Variants in STXBP5L observed in about 807,000 individuals in gnomAD.
The protein encoded by STXBP5L is syntaxin-binding protein 5-like.
In STXBP5L, 65 loss-of-function variants were observed where a neutral mutation model predicts 144.5. That is an observed-to-expected ratio of 0.45 (90% confidence interval 0.37 to 0.55). The LOEUF is 0.55. Among genes scored for constraint, STXBP5L ranks in the 20% least tolerant of loss-of-function variants. The probability of loss-of-function intolerance (pLI) is 0.00; values close to 1 mark genes in which losing one functional copy is unlikely to be tolerated. For synonymous variants in STXBP5L, 505 were observed against 469.6 expected (o/e 1.08, Z -0.97); for missense variants, 1,298 against 1,405.5 (o/e 0.92, Z 1.22).
chr3:121,114,871 A>ATGC, intron 5 of STXBP5L, 54 bp from the exon 6 acceptor site: 1 of 1,279,388 alleles, frequency 7.8e-7, no homozygotes, highest in Non-Finnish European at 1.1e-6. Context: ...GGAAAATATA[A>ATGC]TGCTGACCAA....
At chr3:121,371,290 C>A (rs2108660565) in intron 20 of STXBP5L, among the ~76,000 whole-genome samples, 1 of 152,288 alleles carries the variant, frequency 6.6e-6, no homozygotes, top group Non-Finnish European at 1.5e-5. Flanking sequence ...CAAGGCTCAG[C>A]TTAGGACACC....
At chr3:121,299,557 AC>A (rs1310986061) in intron 19 of STXBP5L, among the ~76,000 whole-genome samples, 3 of 152,122 alleles carry the variant, frequency 2.0e-5, no homozygotes, top group African/African-American at 7.2e-5. Context: ...AATGATCCAA[AC>A]AGAAGCACAG....
At position 121,239,100 on chromosome 3, in the gene STXBP5L, A is replaced by C. The variant is rs771803301; in HGVS notation, c.1314A>C (p.Lys438Asn). The change falls in exon 13 of 27, where the codon AAA becomes AAC. Residue 438 changes from lysine (K) to asparagine (N), a missense_variant. Lys to Asn is a moderately conservative substitution (Grantham distance 94). Transcript: ENST00000471454. Reference sequence around the variant, plus strand: ...ATTCTATAGGAGTCAAGCATAAAAAACAAGGATACAGTAATAAGGTAAAAG... The same window carrying C: ...ATTCTATAGGAGTCAAGCATAAAAACCAAGGATACAGTAATAAGGTAAAAG... ...VLYSIGVKHKKQGYSNKEWPI... is the reference protein window; with the variant it reads ...VLYSIGVKHKNQGYSNKEWPI... The C allele has an allele frequency of 1.3e-6, 2 of 1,576,106 alleles. No individual in the cohort carries two copies. Among genetic ancestry groups the C allele is most frequent in the Non-Finnish European group, 1.7e-6 (2 of 1,160,388 alleles).
At chr3:120,943,219 A>G (rs556812247) in intron 2 of STXBP5L, among the ~76,000 whole-genome samples, 41 of 151,908 alleles carry the variant, frequency 2.7e-4, no homozygotes, top group African/African-American at 8.4e-4. Context: ...AAACAATCAG[A>G]ATTACAGATT....
At chr3:121,268,525 G>T (rs2050643876) in intron 18 of STXBP5L, among the ~76,000 whole-genome samples, 2 of 152,054 alleles carry the variant, frequency 1.3e-5, no homozygotes, top group Admixed American at 6.6e-5. Flanking sequence ...TGCACATTCT[G>T]TACATGTATC....
chr3:121,106,950 A>C (rs1380607058), intron 5 of STXBP5L, among the ~76,000 whole-genome samples: 1 of 152,178 alleles, frequency 6.6e-6, no homozygotes, highest in Non-Finnish European at 1.5e-5. Flanking sequence ...CTGAAGTGAG[A>C]TGGTATTACA....
intron 7 of STXBP5L, among the ~76,000 whole-genome samples, chr3:121,148,725 TCTATTA>T (rs1269793638): frequency 1.3e-5 from 2 of 152,106 alleles, no homozygotes; most frequent in Non-Finnish European, 2.9e-5. Context: ...CTTGGCAGTA[TCTATTA>T]AAGTTAAACA....
chr3:121,034,525 C>T (rs1946617810), intron 3 of STXBP5L, among the ~76,000 whole-genome samples: 1 of 149,668 alleles, frequency 6.7e-6, no homozygotes, highest in Non-Finnish European at 1.5e-5. Context: ...CCTATATCAT[C>T]TATCTATCTA....
intron 7 of STXBP5L, among the ~76,000 whole-genome samples, chr3:121,122,355 C>T (rs976386309): frequency 1.3e-5 from 2 of 150,988 alleles, no homozygotes; most frequent in African/African-American, 4.8e-5. Flanking sequence ...AAAATTGGAT[C>T]CCTTCAAATT....
At chr3:121,135,317 C>T (rs553441663) in intron 7 of STXBP5L, among the ~76,000 whole-genome samples, 1 of 152,234 alleles carries the variant, frequency 6.6e-6, no homozygotes, top group Admixed American at 6.5e-5. Flanking sequence ...AGCCCTTTGT[C>T]AGATGAGTAG....
chr3:121,273,167 G>A lies in STXBP5L; in HGVS notation c.1959-6638G>A, dbSNP rs1381291958. Among the ~76,000 whole-genome samples, 3 of 151,966 alleles carry A rather than the reference G, an allele frequency of 2.0e-5. No individual in the cohort carries two copies. In the South Asian group the frequency reaches 6.2e-4, roughly 32 times the overall value. ...ACCCTTCCATGTTAGCTTAATTTAA[G>A]ATCCCTTTAGCATTTCTTGTAAGAC... On this transcript the variant is annotated intron_variant, in intron 18 of 26. Transcript: ENST00000471454.
chr3:121,258,849 A>G (rs1383198559), intron 17 of STXBP5L, among the ~76,000 whole-genome samples, 194 bp from the exon 18 acceptor site: 2 of 152,176 alleles, frequency 1.3e-5, no homozygotes, highest in Non-Finnish European at 2.9e-5. Context: ...CTGAAAAGCC[A>G]CATAAAGAAA....
At chr3:121,156,596 T>G (rs1329422303) in intron 8 of STXBP5L, among the ~76,000 whole-genome samples, 1 of 151,970 alleles carries the variant, frequency 6.6e-6, no homozygotes, top group Non-Finnish European at 1.5e-5. Context: ...TACTTTATGC[T>G]GGTCACTATG....
intron 20 of STXBP5L, among the ~76,000 whole-genome samples, chr3:121,342,885 T>A (rs1352371454): frequency 6.7e-6 from 1 of 149,920 alleles, no homozygotes; most frequent in Non-Finnish European, 1.5e-5. Flanking sequence ...CTGGGTCAAA[T>A]GGTATTTCTA....
chr3:120,908,223 T>G lies in STXBP5L; in HGVS notation c.-120T>G, dbSNP rs1044776521. 3 of 152,234 alleles carry G rather than the reference T, an allele frequency of 2.0e-5. No individual in the cohort carries two copies. Among genetic ancestry groups the G allele is most frequent in the East Asian group, 2.0e-4 (1 of 5,112 alleles). The allele number at this position is 152,234 out of a possible 1,614,324, so 9.4% of individuals were successfully genotyped here. On this transcript the variant is annotated 5_prime_UTR_variant, in exon 1 of 27. Coordinates refer to ENST00000471454, the MANE Select transcript of STXBP5L (RefSeq NM_001308330.2). ...GGAGCCTGACTGCTCGGTTAGGACC[T>G]CGGAGAGCGCCAGGCGCCGCGACCA...
intron 3 of STXBP5L, among the ~76,000 whole-genome samples, chr3:120,969,075 T>C (rs1252034377): frequency 6.6e-6 from 1 of 152,152 alleles, no homozygotes; most frequent in East Asian, 1.9e-4. Flanking sequence ...GATTGCTAGA[T>C]CAAATGGTAA....
intron 5 of STXBP5L, among the ~76,000 whole-genome samples, chr3:121,098,814 G>A (rs1328268338): frequency 6.6e-6 from 1 of 152,176 alleles, no homozygotes; most frequent in African/African-American, 2.4e-5. Flanking sequence ...TAATTGGCAT[G>A]TCTGTAGGGA....
chr3:121,175,834 C>A (rs1221475612), intron 9 of STXBP5L, among the ~76,000 whole-genome samples: 1 of 147,842 alleles, frequency 6.8e-6, no homozygotes, highest in Non-Finnish European at 1.5e-5. Flanking sequence ...ACTTTAAATA[C>A]AAAACTATAG....
chr3:121,417,579 C>T (rs1393438902), intron 25 of STXBP5L, among the ~76,000 whole-genome samples: 6 of 152,148 alleles, frequency 3.9e-5, no homozygotes, highest in Non-Finnish European at 7.3e-5. Flanking sequence ...GATTCTCGTG[C>T]CTCAGCCTCC....
Sources: gnomAD v4.1 joint callset for allele counts (sites outside exome capture counted in the v4.1 genomes callset) on GRCh38, gnomAD v4.1.1 for gene constraint, MANE v1.5 for transcripts, NCBI Gene and HGNC (gene_info 2026-07-23, HGNC 2026-07-21) for gene names.